SYAP1: variants seen among roughly 807,000 people sequenced by gnomAD.
SYAP1 encodes synapse-associated protein 1.
Under a neutral mutation model 29.6 loss-of-function variants are expected in SYAP1, and 3 were observed. The ratio of observed to expected loss-of-function variants is 0.10; its 90% confidence interval spans 0.05 to 0.26. The LOEUF (loss-of-function observed/expected upper bound fraction) is 0.26, where lower values mean the gene tolerates loss of function less well. Ranked by LOEUF, SYAP1 falls within the 10% of genes least tolerant of loss-of-function variation. The probability of loss-of-function intolerance (pLI) is 1.00; values close to 1 mark genes in which losing one functional copy is unlikely to be tolerated. For synonymous variants in SYAP1, 102 were observed against 102.7 expected, an observed-to-expected ratio of 0.99 and a Z score of 0.04; for missense variants, 217 against 264.1, an observed-to-expected ratio of 0.82 and a Z score of 1.24.
chrX:16,736,501 TCTCTTTTC>T, intron 3 of SYAP1: 17 of 246,383 alleles, frequency 6.9e-5, no homozygotes, highest in Admixed American at 1.2e-4. Flanking sequence ...GTTCTGACTT[TCTCTTTTC>T]TTTTCCCCCA....
rs1925903237 is a variant in SYAP1 at position 16,719,630 on chromosome X, C to T, written c.-95C>T. The T allele has an allele frequency of 6.9e-6, 7 of 1,011,282 alleles. No homozygotes were observed. Among genetic ancestry groups the T allele is most frequent in the Non-Finnish European group, 7.8e-6 (6 of 768,525 alleles). The allele number at this position is 1,011,282 out of a possible 1,213,427, so 83.3% of individuals were successfully genotyped here. On this transcript the variant is annotated 5_prime_UTR_variant, in exon 1 of 9. Transcript: ENST00000380155. ...CTGCGGTGTTCCTCCGACTTCCGGA[C>T]ATCTCCCTGGGAGTCGCGCAGAGTG...
At chrX:16,750,174 C>G (rs1926699107) in intron 5 of SYAP1, among the ~76,000 whole-genome samples, 1 of 111,474 alleles carries the variant, frequency 9.0e-6, no homozygotes, top group African/African-American at 3.3e-5. Flanking sequence ...AATGCGTTGT[C>G]TTAATTGCAG....
At position 16,736,198 on chromosome X, in the gene SYAP1, A is replaced by G. The variant is rs1256074386; in HGVS notation, c.327A>G (p.Lys109=). 3 of 1,194,388 alleles carry G rather than the reference A, an allele frequency of 2.5e-6. No homozygotes were observed. The highest frequency in any genetic ancestry group is 3.5e-5 in the African/African-American group (2 of 56,974). ...TIIGDFQKEQ[K]KFVEEQHTKK... is the part of the protein sequence containing the mutation. ...TAGGAGATTTTCAGAAGGAACAGAA[A>G]AAATTTGTTGAAGAGCAACATACAA... is the stretch of plus-strand genomic sequence containing the variant. Residue 109 remains lysine (K), a synonymous_variant, in exon 3 of 9, where the codon AAA becomes AAG. Coordinates refer to ENST00000380155, the MANE Select transcript of SYAP1 (RefSeq NM_032796.4).
In SYAP1 at chrX:16,762,340, A is replaced by C. The variant is rs996347824; in HGVS notation, c.*1981A>C. On this transcript the variant is annotated 3_prime_UTR_variant, in exon 9 of 9. Transcript: ENST00000380155. The stretch of plus-strand genomic sequence containing the variant: ...AAGAGAAAAACCCTACAATGGCAAT[A>C]GAGGTGTGTGACAGTTATTGCTATC... 5.4e-5 allele frequency: 6 copies of C among 111,616 alleles called. No homozygotes were observed. The highest frequency in any genetic ancestry group is 2.0e-4 in the African/African-American group (6 of 30,711). 9.2% of individuals were successfully genotyped at this position (111,616 alleles called of 1,213,427 possible). A position where few individuals can be genotyped will look rare whatever the true frequency, so the allele number is the denominator to read the frequency against.
At chrX:16,751,581 A>G (rs767813744) in intron 5 of SYAP1, among the ~76,000 whole-genome samples, 25 of 110,303 alleles carry the variant, frequency 2.3e-4, no homozygotes, top group South Asian at 7.7e-4. Flanking sequence ...ACAAACAAAA[A>G]TAAAATTTCA....
chrX:16,747,016 C>G (rs1926624689), intron 5 of SYAP1, among the ~76,000 whole-genome samples: 1 of 112,176 alleles, frequency 8.9e-6, no homozygotes, highest in South Asian at 3.7e-4. Flanking sequence ...TGCAGTGGCA[C>G]AGTAGCTTAC....
intron 6 of SYAP1, among the ~76,000 whole-genome samples, chrX:16,755,312 T>C (rs1003709004): frequency 9.1e-6 from 1 of 110,120 alleles, no homozygotes; most frequent in Non-Finnish European, 1.9e-5. Flanking sequence ...CCTTTCTCAT[T>C]CCTTGTTTTC....
intron 3 of SYAP1, among the ~76,000 whole-genome samples, chrX:16,738,374 C>G (rs1458169466): frequency 8.9e-6 from 1 of 111,765 alleles, no homozygotes; most frequent in Non-Finnish European, 1.9e-5. Flanking sequence ...GCGATTGTGC[C>G]GCTACACTCC....
At chrX:16,729,483 C>T (rs912082722) in intron 1 of SYAP1, among the ~76,000 whole-genome samples, 1 of 86,250 alleles carries the variant, frequency 1.2e-5, no homozygotes, top group Non-Finnish European at 2.1e-5. Context: ...TTGATTTTAT[C>T]GATTTTTTTT....
At chrX:16,735,187 C>T (rs780516778) in intron 1 of SYAP1, 40 bp from the exon 2 acceptor site, 8 of 973,853 alleles carry the variant, frequency 8.2e-6, no homozygotes, top group Non-Finnish European at 1.1e-5. Flanking sequence ...AGGGAAAAAT[C>T]TCAAACATAA....
Position 16,762,414 on chromosome X carries a change from G to A in SYAP1, c.*2055G>A, listed in dbSNP as rs775565494. ...AAAACAACCTAATTATGCATTGCCT[G>A]TGAAAATAAAAGGATAAAATAAGAT... On this transcript the variant is annotated 3_prime_UTR_variant, in exon 9 of 9. Coordinates refer to ENST00000380155, the MANE Select transcript of SYAP1 (RefSeq NM_032796.4). 1.8e-5 allele frequency: 2 copies of A among 111,737 alleles called. No homozygotes were observed. The highest frequency in any genetic ancestry group is 1.9e-4 in the Admixed American group (2 of 10,407). 9.2% of individuals were successfully genotyped at this position (111,737 alleles called of 1,213,427 possible). A position where few individuals can be genotyped will look rare whatever the true frequency, so the allele number is the denominator to read the frequency against.
chrX:16,743,806 C>T lies in SYAP1; in HGVS notation c.541C>T (p.Leu181=), dbSNP rs1926532600. 1 of 1,208,500 alleles carries T rather than the reference C, an allele frequency of 8.3e-7. No individual in the cohort carries two copies. The highest frequency in any genetic ancestry group is 1.8e-5 in the African/African-American group (1 of 56,880). The part of the protein sequence containing the change: ...ALVMLQEDEL[L]SKMRFALVPK... ...GGTCATGCTCCAGGAGGATGAGCTG[C>T]TAAGCAAGATGAGATTTGCCCTCGT... The change falls in exon 5 of 9, where the codon CTA becomes TTA. Residue 181 remains leucine (L), a synonymous_variant. Transcript: ENST00000380155.
intron 1 of SYAP1, among the ~76,000 whole-genome samples, chrX:16,730,277 C>A (rs1336350627): frequency 3.6e-5 from 4 of 112,420 alleles, no homozygotes; most frequent in African/African-American, 6.5e-5. Context: ...TCGCTTGAAA[C>A]CAGAAGGTGG....
At chrX:16,729,047 A>G (rs1602321194) in intron 1 of SYAP1, among the ~76,000 whole-genome samples, 1 of 87,978 alleles carries the variant, frequency 1.1e-5, no homozygotes, top group Admixed American at 1.3e-4. Context: ...TCGAAAAAAA[A>G]AAAAGAAAAA....
rs1283231887 is a variant in SYAP1, at chrX:16,762,304, A to G, written c.*1945A>G. On this transcript the variant is annotated 3_prime_UTR_variant, in exon 9 of 9. Transcript: ENST00000380155. ...AATGTTGAATAAACACACACAAAAA[A>G]GTATCAGAGAAAGAGAAAAACCCTA... is the stretch of plus-strand genomic sequence containing the variant. The G allele has an allele frequency of 1.8e-5, 2 of 111,991 alleles. No homozygotes were observed. The highest frequency in any genetic ancestry group is 1.9e-4 in the Admixed American group (2 of 10,426). 9.2% of individuals were successfully genotyped at this position (111,991 alleles called of 1,213,427 possible).
intron 6 of SYAP1, among the ~76,000 whole-genome samples, chrX:16,755,949 A>G (rs1048089412): frequency 8.9e-6 from 1 of 111,921 alleles, no homozygotes; most frequent in Non-Finnish European, 1.9e-5. Context: ...TACAGGTTAT[A>G]CAGAATACTA....
intron 5 of SYAP1, among the ~76,000 whole-genome samples, chrX:16,746,063 T>C (rs1215335826): frequency 9.2e-6 from 1 of 108,716 alleles, no homozygotes; most frequent in East Asian, 2.9e-4. Flanking sequence ...ATAACAGTTA[T>C]ATGGAATCTT....
intron 6 of SYAP1, 69 bp from the exon 7 acceptor site, chrX:16,756,594 T>A: frequency 1.1e-6 from 1 of 907,559 alleles, no homozygotes; most frequent in East Asian, 3.1e-5. Flanking sequence ...GTGGATATTT[T>A]ACTGTGATTA....
chrX:16,730,821 C>T (rs1300756926), intron 1 of SYAP1, among the ~76,000 whole-genome samples: 1 of 112,112 alleles, frequency 8.9e-6, no homozygotes, highest in Admixed American at 9.6e-5. Flanking sequence ...TATATAAAAT[C>T]TCTTTTCTCT....
Sources: gnomAD v4.1 joint callset for allele counts (sites outside exome capture counted in the v4.1 genomes callset) on GRCh38, gnomAD v4.1.1 for gene constraint, MANE v1.5 for transcripts, NCBI Gene and HGNC (gene_info 2026-07-23, HGNC 2026-07-21) for gene names.